IRAG1: variants seen among roughly 807,000 people sequenced by gnomAD.
IRAG1 encodes the protein IP3R-associated cGMP kinase substrate.
In IRAG1, 62 loss-of-function variants were observed where a neutral mutation model predicts 106.2. The ratio of observed to expected loss-of-function variants is 0.58; its 90% CI spans 0.48 to 0.72. IRAG1 has a LOEUF of 0.72. Among genes scored for constraint, IRAG1 ranks in the 30% least tolerant of loss-of-function variants. The probability of loss-of-function intolerance (pLI) is 0.00; values close to 1 mark genes in which losing one functional copy is unlikely to be tolerated. For synonymous variants in IRAG1, 462 were observed against 443.9 expected, an observed-to-expected ratio of 1.04 and a Z score of -0.51; for missense variants, 1,064 against 1,140.7, an observed-to-expected ratio of 0.93 and a Z score of 0.97.
At position 10,628,122 on chromosome 11, in the gene IRAG1, C is replaced by T. The variant is rs1856399451; in HGVS notation, c.653-97G>A. The T allele has an allele frequency of 2.2e-6, 3 of 1,340,834 alleles. No individual in the cohort carries two copies. Among genetic ancestry groups the T allele is most frequent in the African/African-American group, 2.9e-5 (2 of 69,230 alleles). The allele number at this position is 1,340,834 out of a possible 1,614,324, so 83.1% of individuals were successfully genotyped here. ...CCCTCCCCGGGCTATCCTCCCTTTG[C>T]AATCTCAGGCCTGGAAGATTTGCTG... is the stretch of plus-strand genomic sequence containing the variant. On this transcript the variant is annotated intron_variant, in intron 6 of 20. Transcript: ENST00000423302. This position sits in a 1 kb window ranked among gnomAD's most constrained non-coding sequence, Gnocchi z 4.1.
chr11:10,623,729 C>T (rs749050969), intron 10 of IRAG1, 49 bp downstream of exon 10: 2 of 1,550,678 alleles, frequency 1.3e-6, no homozygotes, highest in Non-Finnish European at 1.8e-6. Context: ...TGATCTGGCA[C>T]AGACAAATCA....
At chr11:10,645,678 C>T (rs143534751) in intron 2 of IRAG1, among the ~76,000 whole-genome samples, 31 of 152,252 alleles carry the variant, frequency 2.0e-4, no homozygotes, top group Non-Finnish European at 2.6e-4. Flanking sequence ...AGGGACTGAG[C>T]GCCTATTGTG....
rs1289857227 is a variant in IRAG1 at position 10,626,440 on chromosome 11, G to A, written c.894C>T (p.Tyr298=). The change falls in exon 9 of 21, where the codon TAC becomes TAT. Residue 298 remains tyrosine (Y), a synonymous_variant. Coordinates refer to ENST00000423302, the MANE Select transcript of IRAG1 (RefSeq NM_130385.4). The part of the protein sequence containing the change: ...EQKENFDPLQ[Y]PETTPKGLAP... Reference sequence around the variant, plus strand: ...CTAGGCCTTTGGGTGTGGTCTCGGGGTACTGGAGGGGATCGAAGTTTTCCT... The same window carrying A: ...CTAGGCCTTTGGGTGTGGTCTCGGGATACTGGAGGGGATCGAAGTTTTCCT... 3 of 1,613,786 alleles carry A rather than the reference G, an allele frequency of 1.9e-6. No individual in the cohort carries two copies. Among genetic ancestry groups the A allele is most frequent in the Admixed American group, 3.3e-5 (2 of 59,982 alleles).
chr11:10,656,624 A>G (rs907159796), intron 1 of IRAG1, among the ~76,000 whole-genome samples: 3 of 152,222 alleles, frequency 2.0e-5, no homozygotes, highest in African/African-American at 7.2e-5. Flanking sequence ...ACACTATGCT[A>G]AATGTATTTC....
In IRAG1 at chr11:10,647,984, G is replaced by A. The variant is rs952090702; in HGVS notation, c.225+4041C>T. Among the ~76,000 whole-genome samples the A allele has an allele frequency of 6.6e-6, 1 of 152,200 alleles. No individual in the cohort carries two copies. Among genetic ancestry groups the A allele is most frequent in the African/African-American group, 2.4e-5 (1 of 41,462 alleles). ...CCGAGGGAGAGTCTTGGGGGAGGCA[G>A]ATTCCAGCCTGACCAGGACAGAGCT... On this transcript the variant is annotated intron_variant, in intron 2 of 20. Coordinates refer to ENST00000423302, the MANE Select transcript of IRAG1 (RefSeq NM_130385.4). This position sits in a 1 kb window ranked among gnomAD's most constrained non-coding sequence, Gnocchi z 4.3.
chr11:10,680,788 T>C (rs1433349511), intron 1 of IRAG1, among the ~76,000 whole-genome samples: 1 of 152,194 alleles, frequency 6.6e-6, no homozygotes, highest in Non-Finnish European at 1.5e-5. Context: ...TTATGTAATA[T>C]AAACTTCTTA....
Position 10,576,442 on chromosome 11 carries a change from A to C in IRAG1, c.2629T>G (p.Ser877Ala). ...GGCCCATCAGCCTGCTCTGCACAAGAGTTATAGGAATTGTAGAGCCCCAGC... is the reference window on the plus strand; with the variant it reads ...GGCCCATCAGCCTGCTCTGCACAAGCGTTATAGGAATTGTAGAGCCCCAGC... ...VVLGLYNSYN[S>A]CAEQADGPLG... Residue 877 changes from serine (S) to alanine (A), a missense_variant, in exon 21 of 21, where the codon TCT (serine) becomes GCT (alanine). Coordinates refer to ENST00000423302, the MANE Select transcript of IRAG1 (RefSeq NM_130385.4). 6.2e-7 allele frequency: 1 copy of C among 1,613,872 alleles called. No homozygotes were observed. Among genetic ancestry groups the C allele is most frequent in the Non-Finnish European group, 8.5e-7 (1 of 1,179,864 alleles).
At chr11:10,578,949 G>C (rs1406732589) in intron 20 of IRAG1, among the ~76,000 whole-genome samples, 2 of 152,214 alleles carry the variant, frequency 1.3e-5, no homozygotes, top group East Asian at 3.8e-4. Context: ...AAGGCTTTTT[G>C]TCTAGGGCTT....
At chr11:10,611,471 G>C (rs1416930498) in intron 10 of IRAG1, 1 of 152,106 alleles carries the variant, frequency 6.6e-6, no homozygotes, top group Admixed American at 6.5e-5. Flanking sequence ...TGCATATCAG[G>C]GTTTTTGCCT....
At chr11:10,655,472 A>G (rs963459187) in intron 1 of IRAG1, among the ~76,000 whole-genome samples, 1 of 152,250 alleles carries the variant, frequency 6.6e-6, no homozygotes, top group Non-Finnish European at 1.5e-5. Flanking sequence ...CTAATGACTG[A>G]AAGGTCAGAT....
Position 10,628,786 on chromosome 11 carries a change from G to C in IRAG1, c.617C>G (p.Ser206Cys). Residue 206 changes from serine (S) to cysteine (C), a missense_variant, in exon 6 of 21, where the codon TCT (serine) becomes TGT (cysteine). Ser to Cys is a moderately radical substitution (Grantham distance 112, BLOSUM62 -1). Coordinates refer to ENST00000423302, the MANE Select transcript of IRAG1 (RefSeq NM_130385.4). This position sits in a 1 kb window ranked among gnomAD's most constrained non-coding sequence, Gnocchi z 4.1. ...GGGGACTGTAAGTGAGTTGCTCCGA[G>C]AGGATGTAGGAGAAGCGCTGGGGCT... ...NLSPSASPTS[S>C]RSNSLTVPTP... The C allele has an allele frequency of 6.4e-7, 1 of 1,561,246 alleles. No individual in the cohort carries two copies. The highest frequency in any genetic ancestry group is 8.6e-7 in the Non-Finnish European group (1 of 1,158,650).
intron 13 of IRAG1, 51 bp downstream of exon 13, chr11:10,604,354 T>C: frequency 1.2e-6 from 2 of 1,610,988 alleles, no homozygotes; most frequent in Non-Finnish European, 1.7e-6. Flanking sequence ...TGTATGGCCC[T>C]TGGGGACAGT....
At chr11:10,673,495 G>A (rs1035275897) in intron 1 of IRAG1, among the ~76,000 whole-genome samples, 2 of 152,128 alleles carry the variant, frequency 1.3e-5, no homozygotes, top group African/African-American at 4.8e-5. Context: ...AGGGCTGAGA[G>A]GATGGGGAAA....
intron 3 of IRAG1, among the ~76,000 whole-genome samples, chr11:10,632,521 C>T (rs1300773125): frequency 2.6e-5 from 4 of 152,266 alleles, no homozygotes; most frequent in Middle Eastern, 3.4e-3. Context: ...CATCCTAGAA[C>T]ATCATCTTAC....
Position 10,626,227 on chromosome 11 carries a change from C to A in IRAG1, c.1107G>T (p.Pro369=). 9.4e-6 allele frequency: 15 copies of A among 1,597,550 alleles called. No homozygotes were observed. The highest frequency in any genetic ancestry group is 1.3e-5 in the Non-Finnish European group (15 of 1,170,284). ...CTTTGGAGCCAGCCTCGGGCCCCAT[C>A]GGCTCTCCAGCTGGGCCTCTCCCCT... ...ASQGRGPAGE[P]MGPEAGSKAE... Residue 369 remains proline (P), a synonymous_variant, in exon 9 of 21, where the codon CCG becomes CCT. Transcript: ENST00000423302.
chr11:10,633,985 G>A lies in IRAG1; in HGVS notation c.312C>T (p.Asp104=), dbSNP rs1310203099. ...ACCTGTACCTGTTGGCCAGGTTTTTGTCGGTTTCTCCTTCTGGTGAAGTGG... is the reference window on the plus strand; with the variant it reads ...ACCTGTACCTGTTGGCCAGGTTTTTATCGGTTTCTCCTTCTGGTGAAGTGG... ...GDATSPEGET[D]KNLANRVHSP... The change falls in exon 3 of 21, where the codon GAC becomes GAT. Residue 104 remains aspartate, a synonymous_variant. Transcript: ENST00000423302. The A allele has an allele frequency of 2.5e-6, 4 of 1,611,486 alleles. No individual in the cohort carries two copies. The highest frequency in any genetic ancestry group is 2.2e-5 in the East Asian group (1 of 44,840).
At chr11:10,624,187 C>A (rs1856052996) in intron 9 of IRAG1, among the ~76,000 whole-genome samples, 1 of 152,168 alleles carries the variant, frequency 6.6e-6, no homozygotes. Context: ...AAAGGACACA[C>A]AGGGGCAGAA....
chr11:10,594,229 GT>G, intron 15 of IRAG1, 34 bp from the exon 16 acceptor site: 2 of 1,593,410 alleles, frequency 1.3e-6, no homozygotes, highest in Non-Finnish European at 1.7e-6. Flanking sequence ...GAGAACACAG[GT>G]AAGTTTCAGG....
chr11:10,690,135 A>T (rs759066769), intron 1 of IRAG1: 19 of 240,808 alleles, frequency 7.9e-5, no homozygotes, highest in Non-Finnish European at 1.3e-4. Context: ...TCACGCCTAT[A>T]ATCCCAGACT....
Sources: allele counts gnomAD v4.1 joint callset (sites outside exome capture counted in the v4.1 genomes callset), GRCh38; gene constraint gnomAD v4.1.1; non-coding constraint Gnocchi (gnomAD v3.1); transcripts MANE v1.5; gene names NCBI Gene and HGNC (gene_info 2026-07-23, HGNC 2026-07-21).